FIP1L1: variants seen among roughly 807,000 people sequenced by gnomAD.
The protein encoded by FIP1L1 is pre-mRNA 3'-end-processing factor FIP1.
A neutral mutation model predicts 84.6 loss-of-function variants in FIP1L1; 21 were observed. The ratio of observed to expected loss-of-function variants is 0.25; its 90% CI spans 0.18 to 0.36. FIP1L1 has a LOEUF of 0.36. FIP1L1 is among the 10% of genes least tolerant of loss of function. FIP1L1 has a pLI of 1.00. For missense variants in FIP1L1, 526 were observed against 751.1 expected (o/e 0.70, Z 3.50); for synonymous variants, 263 against 242.3 (o/e 1.09, Z -0.80).
At chr4:53,428,254 A>G in intron 13 of FIP1L1, 71 bp downstream of exon 13, 1 of 1,400,094 alleles carries the variant, frequency 7.1e-7, no homozygotes, top group East Asian at 2.3e-5. Flanking sequence ...ATTTTTGACA[A>G]TTAAAATAAT....
intron 14 of FIP1L1, 96 bp from the exon 15 acceptor site, chr4:53,443,952 A>C (rs1204679393): frequency 2.9e-6 from 2 of 689,038 alleles, no homozygotes; most frequent in Non-Finnish European, 4.9e-6. Context: ...GTTGGATAAA[A>C]GTTGTAATTT....
intron 13 of FIP1L1, among the ~76,000 whole-genome samples, chr4:53,435,884 C>T (rs1223380179): frequency 2.0e-5 from 3 of 152,066 alleles, no homozygotes; most frequent in Admixed American, 6.6e-5. Flanking sequence ...TACATAGAAA[C>T]GCATTTCTGG....
At chr4:53,424,637 T>C (rs1763637473) in intron 11 of FIP1L1, among the ~76,000 whole-genome samples, 1 of 152,104 alleles carries the variant, frequency 6.6e-6, no homozygotes, top group Admixed American at 6.5e-5. Flanking sequence ...ATGATGTGCT[T>C]TTTATAGGGC....
chr4:53,425,973 A>G lies in FIP1L1; in HGVS notation c.1017+8A>G. On this transcript the variant is annotated splice_region_variant and intron_variant, in intron 12 of 17. Transcript: ENST00000337488. ...GAGAACAGCAACATACAGGTTTAGT[A>G]TTTTAAAATAAATAATTTTCTTTAA... 6 of 1,581,428 alleles carry G rather than the reference A, an allele frequency of 3.8e-6. No individual in the cohort carries two copies. The highest frequency in any genetic ancestry group is 5.2e-6 in the Non-Finnish European group (6 of 1,159,044).
rs1721517613 is a variant in FIP1L1 at position 53,459,928 on chromosome 4, T to TTGA, written c.*481_*483dup. 9.1e-6 allele frequency: 2 copies of TTGA among 218,604 alleles called. No individual in the cohort carries two copies. The highest frequency in any genetic ancestry group is 1.8e-4 in the South Asian group (1 of 5,426). The allele number at this position is 218,604 out of a possible 1,614,324, so 13.5% of individuals were successfully genotyped here. ...AGTATATTAAGAGACTCATACATTT[T>TTGA]TGATATCACAACTTTTTGATGGCTT... On this transcript the variant is annotated 3_prime_UTR_variant, in exon 18 of 18. Transcript: ENST00000337488.
chr4:53,426,514 G>C (rs1268892033), intron 12 of FIP1L1, among the ~76,000 whole-genome samples: 3 of 151,978 alleles, frequency 2.0e-5, no homozygotes, highest in Admixed American at 2.0e-4. Context: ...GGATTTTAGA[G>C]CATTTCAGAT....
chr4:53,381,753 CT>C (rs531488760), intron 3 of FIP1L1, among the ~76,000 whole-genome samples: 10,336 of 86,406 alleles, frequency 0.12, 416 homozygotes, highest in Middle Eastern at 0.14. Flanking sequence ...CATTTGCATT[CT>C]TTTTTTTTTT....
At chr4:53,413,727 T>TA (rs1758206426) in intron 10 of FIP1L1, among the ~76,000 whole-genome samples, 2 of 152,148 alleles carry the variant, frequency 1.3e-5, no homozygotes, top group Admixed American at 1.3e-4. Flanking sequence ...ATTAAGAATT[T>TA]AAAATATATA....
chr4:53,442,094 A>G (rs556781421), intron 13 of FIP1L1, among the ~76,000 whole-genome samples: 3 of 152,130 alleles, frequency 2.0e-5, no homozygotes, highest in African/African-American at 7.2e-5. Context: ...CTAATACACA[A>G]ACTATATTAT....
rs184905013 is a variant in FIP1L1, at chr4:53,407,886, G to A, written c.816-6729G>A. On this transcript the variant is annotated intron_variant, in intron 10 of 17. Coordinates refer to ENST00000337488, the MANE Select transcript of FIP1L1 (RefSeq NM_030917.4). ...ATCCTTTTATTTTGAGTCTATGTGTGTCTCTGCATGTGAGATGTGTTTCCT... is the reference window on the plus strand; with the variant it reads ...ATCCTTTTATTTTGAGTCTATGTGTATCTCTGCATGTGAGATGTGTTTCCT... Among the ~76,000 whole-genome samples the A allele has an allele frequency of 1.8e-3, 277 of 152,228 alleles. 2 individuals carry two copies. Among genetic ancestry groups the A allele is most frequent in the South Asian group, 2.9e-3 (14 of 4,830 alleles).
chr4:53,395,146 A>G (rs1277441449), intron 9 of FIP1L1, among the ~76,000 whole-genome samples: 1 of 152,204 alleles, frequency 6.6e-6, no homozygotes, highest in Non-Finnish European at 1.5e-5. Context: ...TGGTTAGACA[A>G]ATTTTGAGTG....
At chr4:53,433,354 G>C (rs1767582907) in intron 13 of FIP1L1, among the ~76,000 whole-genome samples, 2 of 152,006 alleles carry the variant, frequency 1.3e-5, no homozygotes, top group Non-Finnish European at 2.9e-5. Flanking sequence ...CCTTATTCTA[G>C]GTACCTCATA....
At chr4:53,444,267 ATAAATT>A (rs1385466430) in intron 15 of FIP1L1, among the ~76,000 whole-genome samples, 164 bp downstream of exon 15, 6 of 152,254 alleles carry the variant, frequency 3.9e-5, no homozygotes, top group Admixed American at 6.5e-5. Context: ...TTAGCAAACA[ATAAATT>A]TAATGTATTT....
chr4:53,384,462 C>T (rs964397824), intron 5 of FIP1L1, among the ~76,000 whole-genome samples: 2 of 151,884 alleles, frequency 1.3e-5, no homozygotes, highest in African/African-American at 4.8e-5. Context: ...ATTAGAAATC[C>T]TTAAATTGTA....
chr4:53,378,674 G>T, intron 1 of FIP1L1: 1 of 195,436 alleles, frequency 5.1e-6, no homozygotes, highest in Non-Finnish European at 1.0e-5. Flanking sequence ...CTCTCTAGAA[G>T]GGTACTTGTT....
intron 13 of FIP1L1, among the ~76,000 whole-genome samples, chr4:53,436,991 A>G (rs1420489770): frequency 6.6e-6 from 1 of 152,054 alleles, no homozygotes; most frequent in Non-Finnish European, 1.5e-5. Context: ...GGAGTTCGAG[A>G]CCAGCCTGGG....
intron 10 of FIP1L1, among the ~76,000 whole-genome samples, chr4:53,403,132 G>A (rs1342028781): frequency 6.6e-6 from 1 of 152,152 alleles, no homozygotes; most frequent in African/African-American, 2.4e-5. Flanking sequence ...GGAGTAGCTG[G>A]GCAGCTGGAG....
chr4:53,392,252 T>G (rs1266559689), intron 9 of FIP1L1, among the ~76,000 whole-genome samples: 2 of 152,204 alleles, frequency 1.3e-5, no homozygotes, highest in Non-Finnish European at 2.9e-5. Flanking sequence ...GGATGAAGAT[T>G]GGGAGTGGCT....
intron 15 of FIP1L1, among the ~76,000 whole-genome samples, chr4:53,446,568 T>G (rs1774276045): frequency 6.6e-6 from 1 of 152,216 alleles, no homozygotes; most frequent in Middle Eastern, 3.2e-3. Flanking sequence ...CTACATCGTT[T>G]TTTTCATCTG....
Sources: allele counts gnomAD v4.1 joint callset (sites outside exome capture counted in the v4.1 genomes callset), GRCh38; gene constraint gnomAD v4.1.1; transcripts MANE v1.5; gene names NCBI Gene and HGNC (gene_info 2026-07-23, HGNC 2026-07-21).